Variants in CMC2 observed in about 807,000 individuals in gnomAD.
CMC2 encodes C-X9-C motif containing 2.
CMC2 carries 5 observed loss-of-function variants against 7.5 expected under a neutral mutation model. The ratio of observed to expected loss-of-function variants is 0.66; its 90% CI spans 0.35 to 1.40. The LOEUF (loss-of-function observed/expected upper bound fraction) is 1.40, where lower values mean the gene tolerates loss of function less well. Among genes scored for constraint, CMC2 ranks in the 40% most tolerant of loss-of-function variants. The probability of loss-of-function intolerance (pLI) is 0.04; values close to 1 mark genes in which losing one functional copy is unlikely to be tolerated. For missense variants in CMC2, 115 were observed against 92.3 expected, an observed-to-expected ratio of 1.25 and a Z score of -1.01; for synonymous variants, 37 against 31.4, an observed-to-expected ratio of 1.18 and a Z score of -0.60.
intron 2 of CMC2, among the ~76,000 whole-genome samples, chr16:80,989,085 C>G (rs62054250): frequency 0.057 from 8,712 of 152,178 alleles, 362 homozygotes; most frequent in East Asian, 0.19. Context: ...CTTTTATTAC[C>G]TAGGTAAGAA....
At chr16:80,983,577 A>G (rs1472668701) in intron 2 of CMC2, 3 of 152,266 alleles carry the variant, frequency 2.0e-5, no homozygotes, top group Admixed American at 2.0e-4. Flanking sequence ...TGCCATGGGC[A>G]GAGTAACTTC....
rs538558155 is a variant in CMC2, at chr16:80,987,736, A to T, written c.82-5859T>A. On this transcript the variant is annotated intron_variant, in intron 2 of 3. Transcript: ENST00000219400. ...TGGAGATAAAACACTCATGCACTTC[A>T]AGCAGGTTGGAGAGCACTGCAGCAT... Among the ~76,000 whole-genome samples, 3 of 152,322 alleles carry T rather than the reference A, an allele frequency of 2.0e-5. No individual in the cohort carries two copies. In the East Asian group the frequency reaches 5.8e-4, roughly 29 times the overall value.
chr16:80,978,282 G>A, intron 3 of CMC2: 2 of 1,168,354 alleles, frequency 1.7e-6, no homozygotes, highest in Non-Finnish European at 2.1e-6. Context: ...CAATCAGGTT[G>A]AGAAGGGTCT....
chr16:80,980,295 A>G (rs766780385), intron 3 of CMC2, among the ~76,000 whole-genome samples: 26 of 144,114 alleles, frequency 1.8e-4, no homozygotes, highest in African/African-American at 6.8e-4. Flanking sequence ...TTTTTAGTAA[A>G]TAATTTAAAA....
rs1326359297 is a variant in CMC2 at position 80,972,720 on chromosome 16, A to C, written c.*3373T>G. On this transcript the variant is annotated 3_prime_UTR_variant, in exon 4 of 4. Coordinates refer to ENST00000219400, the MANE Select transcript of CMC2 (RefSeq NM_020188.5). ...ATGGTCTCTTATGACCCAAAAGTTTACTTATCGTCTGCAAGTCCACAGTAA... is the reference window on the plus strand; with the variant it reads ...ATGGTCTCTTATGACCCAAAAGTTTCCTTATCGTCTGCAAGTCCACAGTAA... 4.6e-5 allele frequency: 7 copies of C among 152,200 alleles called. No homozygotes were observed. Among genetic ancestry groups the C allele is most frequent in the Admixed American group, 3.9e-4 (6 of 15,274 alleles). The allele number at this position is 152,200 out of a possible 1,614,324, so 9.4% of individuals were successfully genotyped here. A position where few individuals can be genotyped will look rare whatever the true frequency, so the allele number is the denominator to read the frequency against.
intron 1 of CMC2, among the ~76,000 whole-genome samples, chr16:81,002,271 A>G (rs147459529): frequency 2.6e-5 from 4 of 152,208 alleles, no homozygotes; most frequent in African/African-American, 9.6e-5. Flanking sequence ...CTAAAAATTC[A>G]AAAAATTAGC....
chr16:80,997,712 G>C (rs899670040), intron 1 of CMC2: 2 of 197,482 alleles, frequency 1.0e-5, no homozygotes, highest in African/African-American at 4.6e-5. Flanking sequence ...AGCAGAAACA[G>C]CTTGCTTATA....
At position 80,970,101 on chromosome 16, in the gene CMC2, G is replaced by A. The variant is rs1490925467; in HGVS notation, c.*5992C>T. 6.6e-6 allele frequency: 1 copy of A among 152,096 alleles called. No homozygotes were observed. Among genetic ancestry groups the A allele is most frequent in the African/African-American group, 2.4e-5 (1 of 41,394 alleles). The allele number at this position is 152,096 out of a possible 1,614,324, so 9.4% of individuals were successfully genotyped here. A position where few individuals can be genotyped will look rare whatever the true frequency, so the allele number is the denominator to read the frequency against. ...AGACAGGTATTTAAATAACTTACCT[G>A]ACCATTGGGAGGGATGAAGAAACTT... On this transcript the variant is annotated 3_prime_UTR_variant, in exon 4 of 4. Coordinates refer to ENST00000219400, the MANE Select transcript of CMC2 (RefSeq NM_020188.5).
Position 80,967,494 on chromosome 16 carries a change from C to T in CMC2, c.*8599G>A, listed in dbSNP as rs1911635867. On this transcript the variant is annotated 3_prime_UTR_variant, in exon 4 of 4. Coordinates refer to ENST00000219400, the MANE Select transcript of CMC2 (RefSeq NM_020188.5). ...AGCTGGGACTACAGGCGCCCACTAC[C>T]ACGCCCGGATAATTTTTTGTATTTT... 6.6e-6 allele frequency: 1 copy of T among 152,336 alleles called. No homozygotes were observed. The highest frequency in any genetic ancestry group is 6.5e-5 in the Admixed American group (1 of 15,272). The allele number at this position is 152,336 out of a possible 1,614,324, so 9.4% of individuals were successfully genotyped here.
intron 2 of CMC2, among the ~76,000 whole-genome samples, chr16:80,994,706 T>C (rs572632161): frequency 3.3e-4 from 50 of 152,340 alleles, no homozygotes; most frequent in African/African-American, 1.1e-3. Context: ...GCAGTGGTGA[T>C]GGACAGTGGT....
At chr16:80,978,997 C>T (rs1047635581) in intron 3 of CMC2, among the ~76,000 whole-genome samples, 2 of 151,928 alleles carry the variant, frequency 1.3e-5, no homozygotes, top group South Asian at 2.1e-4. Context: ...AGGAGAATGG[C>T]GTGAACCCGG....
Position 80,988,261 on chromosome 16 carries a change from TG to T in CMC2, c.82-6385del, listed in dbSNP as rs1214901450. 5.3e-5 allele frequency among the ~76,000 whole-genome samples: 8 copies of T among 152,244 alleles called. No homozygotes were observed. In the South Asian group the frequency reaches 1.5e-3, roughly 28 times the overall value. On this transcript the variant is annotated intron_variant, in intron 2 of 3. Coordinates refer to ENST00000219400, the MANE Select transcript of CMC2 (RefSeq NM_020188.5). Reference sequence around the variant, plus strand: ...GTTGTTTTAAGTCACTAAGTGGTGGTGGTGTTGCTGTTGAGAGACATGGTCT... The same window carrying T: ...GTTGTTTTAAGTCACTAAGTGGTGGTGTGTTGCTGTTGAGAGACATGGTCT...
chr16:80,986,358 C>A (rs1488599115), intron 2 of CMC2, among the ~76,000 whole-genome samples: 2 of 150,656 alleles, frequency 1.3e-5, no homozygotes, highest in African/African-American at 4.9e-5. Flanking sequence ...TCAAAACTAA[C>A]TAAATAAATA....
In CMC2 at chr16:80,984,704, A is replaced by G. The variant is rs80337979; in HGVS notation, c.82-2827T>C. On this transcript the variant is annotated intron_variant, in intron 2 of 3. Transcript: ENST00000219400. The stretch of plus-strand genomic sequence containing the variant: ...GCATTTTCATGCCTTCAAGTCAAGT[A>G]GACTTTTCAAATGTGAGGCAATATT... 4.2e-3 allele frequency among the ~76,000 whole-genome samples: 647 copies of G among 152,332 alleles called. 6 individuals are homozygous for G. Among genetic ancestry groups the G allele is most frequent in the African/African-American group, 0.014 (601 of 41,572 alleles).
intron 1 of CMC2, among the ~76,000 whole-genome samples, chr16:81,006,186 C>T (rs188554267): frequency 0.01 from 1,580 of 151,520 alleles, 23 homozygotes; most frequent in African/African-American, 0.036. Context: ...GTATTACTTT[C>T]CTGGAAAAAA....
At chr16:80,979,641 CAGAG>C (rs1567507340) in intron 3 of CMC2, among the ~76,000 whole-genome samples, 2 of 151,694 alleles carry the variant, frequency 1.3e-5, no homozygotes, top group African/African-American at 4.8e-5. Flanking sequence ...TATTTAGAGA[CAGAG>C]TCTCTCACTC....
Position 80,974,104 on chromosome 16 carries a change from C to T in CMC2, c.*1989G>A, listed in dbSNP as rs1393270176. 6.6e-6 allele frequency: 1 copy of T among 152,310 alleles called. No homozygotes were observed. Among genetic ancestry groups the T allele is most frequent in the Non-Finnish European group, 1.5e-5 (1 of 68,146 alleles). The allele number at this position is 152,310 out of a possible 1,614,324, so 9.4% of individuals were successfully genotyped here. On this transcript the variant is annotated 3_prime_UTR_variant, in exon 4 of 4. Transcript: ENST00000219400. Reference sequence around the variant, plus strand: ...CGCTGGATCCTCCACACACACTTCACCTCCCCAGTACTCCCTCCCAAGCAG... The same window carrying T: ...CGCTGGATCCTCCACACACACTTCATCTCCCCAGTACTCCCTCCCAAGCAG...
intron 2 of CMC2, among the ~76,000 whole-genome samples, chr16:80,994,842 T>C (rs2970085): frequency 0.65 from 98,843 of 151,770 alleles, 33,931 homozygotes; most frequent in Middle Eastern, 0.8. Context: ...AAATGATGTT[T>C]ACACAAAGAC....
At chr16:80,977,111 T>C (rs1278419173) in intron 3 of CMC2, among the ~76,000 whole-genome samples, 4 of 152,210 alleles carry the variant, frequency 2.6e-5, no homozygotes. Flanking sequence ...TATTGACTCA[T>C]ATGGAAATAC....
Sources: gnomAD v4.1 joint callset for allele counts (sites outside exome capture counted in the v4.1 genomes callset) on GRCh38, gnomAD v4.1.1 for gene constraint, MANE v1.5 for transcripts, NCBI Gene and HGNC (gene_info 2026-07-23, HGNC 2026-07-21) for gene names.